FAM222B: variants seen among roughly 807,000 people sequenced by gnomAD.
FAM222B encodes the protein family with sequence similarity 222 member B, also known as protein FAM222B.
FAM222B carries 12 observed loss-of-function variants against 38.0 expected under a neutral mutation model. That is an observed-to-expected ratio of 0.32 (90% CI 0.20 to 0.51). The LOEUF (loss-of-function observed/expected upper bound fraction) is 0.51. FAM222B is among the 20% of genes least tolerant of loss of function. FAM222B has a pLI of 0.97. For synonymous variants in FAM222B, 329 were observed against 317.2 expected (o/e 1.04, Z -0.40); for missense variants, 716 against 754.2 (o/e 0.95, Z 0.59).
At chr17:28,792,128 G>A (rs542424908) in intron 1 of FAM222B, among the ~76,000 whole-genome samples, 14 of 150,960 alleles carry the variant, frequency 9.3e-5, no homozygotes, top group African/African-American at 3.2e-4. Flanking sequence ...TGGCCAACAC[G>A]GTGAAACCCC....
At chr17:28,814,877 G>A (rs1260920845) in intron 1 of FAM222B, among the ~76,000 whole-genome samples, 5 of 150,072 alleles carry the variant, frequency 3.3e-5, no homozygotes, top group African/African-American at 9.8e-5. Flanking sequence ...GGGCTCAAGC[G>A]ATTCTCCTGC....
chr17:28,832,661 G>A lies in FAM222B; in HGVS notation c.-41+10021C>T, dbSNP rs181126438. On this transcript the variant is annotated intron_variant, in intron 1 of 2. Coordinates refer to ENST00000581407, the MANE Select transcript of FAM222B (RefSeq NM_001077498.3). The stretch of plus-strand genomic sequence containing the variant: ...TAACTCTATAATTGAGAGTTAACTT[G>A]TTTCTCCCATCAGGACATAAACTCT... Among the ~76,000 whole-genome samples the A allele has an allele frequency of 4.6e-5, 7 of 152,204 alleles. No individual in the cohort carries two copies. In the East Asian group the frequency reaches 1.4e-3, roughly 29 times the overall value.
chr17:28,815,528 T>C (rs1223330146), intron 1 of FAM222B, among the ~76,000 whole-genome samples: 1 of 146,068 alleles, frequency 6.8e-6, no homozygotes, highest in African/African-American at 2.5e-5. Flanking sequence ...TTACATCTTT[T>C]AAAAAATAAA....
At chr17:28,796,512 A>G (rs988695757) in intron 1 of FAM222B, among the ~76,000 whole-genome samples, 3 of 152,202 alleles carry the variant, frequency 2.0e-5, no homozygotes, top group Non-Finnish European at 4.4e-5. Flanking sequence ...TGGATGCGCT[A>G]AAGTAAAGCA....
intron 1 of FAM222B, among the ~76,000 whole-genome samples, chr17:28,853,505 T>C (rs1040818144): frequency 3.3e-5 from 5 of 152,216 alleles, no homozygotes; most frequent in African/African-American, 1.2e-4. Flanking sequence ...GATTCTCTTG[T>C]AGTAAGAGAT....
At chr17:28,789,168 A>G (rs992901399) in intron 1 of FAM222B, among the ~76,000 whole-genome samples, 6 of 146,704 alleles carry the variant, frequency 4.1e-5, no homozygotes, top group Non-Finnish European at 9.0e-5. Flanking sequence ...AAATTCTTCT[A>G]TTACTGGTAC....
Position 28,841,112 on chromosome 17 carries a change from T to C in FAM222B, c.-41+1570A>G, listed in dbSNP as rs915811214. Among the ~76,000 whole-genome samples, 4 of 151,986 alleles carry C rather than the reference T, an allele frequency of 2.6e-5. No homozygotes were observed. In the East Asian group the frequency reaches 5.8e-4, roughly 22 times the overall value. The stretch of plus-strand genomic sequence containing the variant: ...GAGTTCAAGACCAGCCTGGCCAACA[T>C]GGTGAAACCCCATCTCTACTAAAAC... On this transcript the variant is annotated intron_variant, in intron 1 of 2. Coordinates refer to ENST00000581407, the MANE Select transcript of FAM222B (RefSeq NM_001077498.3).
chr17:28,807,005 T>G (rs2037523665), intron 1 of FAM222B, among the ~76,000 whole-genome samples: 1 of 151,888 alleles, frequency 6.6e-6, no homozygotes, highest in Non-Finnish European at 1.5e-5. Flanking sequence ...AGTAAGACTA[T>G]TTATCTTTTT....
chr17:28,820,028 A>G (rs1173400180), intron 1 of FAM222B, among the ~76,000 whole-genome samples: 1 of 152,202 alleles, frequency 6.6e-6, no homozygotes, highest in Non-Finnish European at 1.5e-5. Flanking sequence ...AGAAAAAAAG[A>G]TTCCAGTCCA....
chr17:28,758,042 G>GA lies in FAM222B; in HGVS notation c.*227dup. ...CTAGCTGACAGGCAGTCAGTGGAGA[G>GA]AAAAGCCTGGGCTTAGGGTTAGGTT... is the stretch of plus-strand genomic sequence containing the variant. On this transcript the variant is annotated 3_prime_UTR_variant, in exon 3 of 3. Transcript: ENST00000581407. 4.5e-6 allele frequency: 2 copies of GA among 445,534 alleles called. No homozygotes were observed. The highest frequency in any genetic ancestry group is 7.9e-6 in the Non-Finnish European group (2 of 252,138). The allele number at this position is 445,534 out of a possible 1,614,324, so 27.6% of individuals were successfully genotyped here.
intron 1 of FAM222B, among the ~76,000 whole-genome samples, chr17:28,795,093 A>C (rs77492458): frequency 7.2e-6 from 1 of 139,742 alleles, no homozygotes; most frequent in African/African-American, 2.6e-5. Context: ...ACCCTGTTTC[A>C]AAAAAAAAAA....
rs978097071 is a variant in FAM222B, at chr17:28,757,734, G to A, written c.*536C>T. 19 of 152,872 alleles carry A rather than the reference G, an allele frequency of 1.2e-4. No homozygotes were observed. The highest frequency in any genetic ancestry group is 4.1e-4 in the African/African-American group (17 of 41,412). The allele number at this position is 152,872 out of a possible 1,614,324, so 9.5% of individuals were successfully genotyped here. On this transcript the variant is annotated 3_prime_UTR_variant, in exon 3 of 3. Coordinates refer to ENST00000581407, the MANE Select transcript of FAM222B (RefSeq NM_001077498.3). ...GACACAAAACAAAGCCTTGAGGAAT[G>A]GAAAGGAACTTGAAGGATATGAAGA...
chr17:28,827,204 A>T (rs1259082600), intron 1 of FAM222B, among the ~76,000 whole-genome samples: 2 of 152,140 alleles, frequency 1.3e-5, no homozygotes, highest in African/African-American at 4.8e-5. Context: ...AAAAAATTTT[A>T]AAAATTAACT....
Position 28,758,741 on chromosome 17 carries a change from C to A in FAM222B, c.1218G>T (p.Lys406Asn). ...AGAGTTCCTGCGGGTAGGCAGGGGC[C>A]TTGCCCACAAAGCCAGGCCCTGCCA... ...RELAGPGFVG[K>N]APAYPQELCL... Residue 406 changes from lysine (K) to asparagine (N), a missense_variant, in exon 3 of 3, where the codon AAG (lysine) becomes AAT (asparagine). Physicochemically the swap from Lys to Asn is moderately conservative, Grantham distance 94. Coordinates refer to ENST00000581407, the MANE Select transcript of FAM222B (RefSeq NM_001077498.3). 14 of 1,578,918 alleles carry A rather than the reference C, an allele frequency of 8.9e-6. No homozygotes were observed. The highest frequency in any genetic ancestry group is 1.2e-5 in the Non-Finnish European group (14 of 1,160,494).
At chr17:28,835,928 G>A (rs2038831954) in intron 1 of FAM222B, among the ~76,000 whole-genome samples, 1 of 151,814 alleles carries the variant, frequency 6.6e-6, no homozygotes, top group Non-Finnish European at 1.5e-5. Context: ...TCCTGCCTAG[G>A]CCTCCCAAAG....
chr17:28,805,483 C>T (rs554662516), intron 1 of FAM222B, among the ~76,000 whole-genome samples: 6 of 151,974 alleles, frequency 3.9e-5, no homozygotes, highest in African/African-American at 1.2e-4. Context: ...TACAGTGAGC[C>T]GAGATCATGC....
At chr17:28,761,325 ATAC>A (rs1363381864) in intron 2 of FAM222B, among the ~76,000 whole-genome samples, 3 of 152,232 alleles carry the variant, frequency 2.0e-5, no homozygotes, top group Admixed American at 6.5e-5. Flanking sequence ...TCCCCTGAGT[ATAC>A]ACAAAAGGTG....
intron 1 of FAM222B, among the ~76,000 whole-genome samples, chr17:28,814,993 C>T (rs889429845): frequency 1.3e-5 from 2 of 150,616 alleles, no homozygotes; most frequent in African/African-American, 2.4e-5. Context: ...AGGCTGATCT[C>T]GAACTCCAGA....
At chr17:28,801,104 C>G (rs1309840574) in intron 1 of FAM222B, among the ~76,000 whole-genome samples, 1 of 148,486 alleles carries the variant, frequency 6.7e-6, no homozygotes, top group Non-Finnish European at 1.5e-5. Flanking sequence ...TTAAAGTGAG[C>G]CGAGATCGTG....
Sources: gnomAD v4.1 joint callset for allele counts (sites outside exome capture counted in the v4.1 genomes callset) on GRCh38, gnomAD v4.1.1 for gene constraint, MANE v1.5 for transcripts, NCBI Gene and HGNC (gene_info 2026-07-23, HGNC 2026-07-21) for gene names.